Variants in CDH19 observed in about 807,000 individuals in gnomAD.
The protein encoded by CDH19 is cadherin 19.
Under a neutral mutation model 64.2 loss-of-function variants are expected in CDH19, and 67 were observed. The ratio of observed to expected loss-of-function variants is 1.04; its 90% CI spans 0.86 to 1.28. CDH19 has a LOEUF of 1.28. Among genes scored for constraint, CDH19 ranks in the 50% most tolerant of loss-of-function variants. The pLI, the probability that CDH19 is intolerant of heterozygous loss-of-function variation, is 0.00. For synonymous variants in CDH19, 346 were observed against 319.3 expected, an observed-to-expected ratio of 1.08 and a Z score of -0.89; for missense variants, 1,030 against 929.0, an observed-to-expected ratio of 1.11 and a Z score of -1.41.
chr18:66,546,173 A>G (rs2144496289), intron 5 of CDH19, among the ~76,000 whole-genome samples: 1 of 152,240 alleles, frequency 6.6e-6, no homozygotes, highest in South Asian at 2.1e-4. Context: ...TAGTTCCTTT[A>G]GAAGCATGGA....
intron 5 of CDH19, among the ~76,000 whole-genome samples, chr18:66,549,001 A>G (rs1365697917): frequency 1.3e-5 from 2 of 152,116 alleles, no homozygotes; most frequent in African/African-American, 2.4e-5. Context: ...GTTGCCCACA[A>G]CAGAGGGTAT....
At chr18:66,600,328 T>G (rs2144648594) in intron 1 of CDH19, among the ~76,000 whole-genome samples, 1 of 151,966 alleles carries the variant, frequency 6.6e-6, no homozygotes, top group African/African-American at 2.4e-5. Context: ...CCTAAAGTTC[T>G]AATGTTTTGT....
rs1342405471 is a variant in CDH19 at position 66,512,539 on chromosome 18, T to C, written c.1459-854A>G. Among the ~76,000 whole-genome samples the C allele has an allele frequency of 3.3e-5, 5 of 151,510 alleles. No individual in the cohort carries two copies. The East Asian group carries it at 9.6e-4, about 29-fold the overall frequency. ...CAAGATGACAAGCCCAGATTTATATTATACTTCAAAAAAATAGATACATCT... is the reference window on the plus strand; with the variant it reads ...CAAGATGACAAGCCCAGATTTATATCATACTTCAAAAAAATAGATACATCT... On this transcript the variant is annotated intron_variant, in intron 9 of 11. Transcript: ENST00000262150.
chr18:66,546,244 A>T (rs558076450), intron 5 of CDH19, among the ~76,000 whole-genome samples: 2 of 152,156 alleles, frequency 1.3e-5, no homozygotes, highest in African/African-American at 2.4e-5. Flanking sequence ...ATAAGTGTTA[A>T]TTTTTAAGAG....
intron 9 of CDH19, among the ~76,000 whole-genome samples, chr18:66,518,230 C>T (rs1043318390): frequency 2.0e-5 from 3 of 151,640 alleles, no homozygotes; most frequent in Admixed American, 1.3e-4. Flanking sequence ...TTATTCATTA[C>T]TTATTTATTT....
chr18:66,521,502 CTTTA>C (rs138571911), intron 9 of CDH19, among the ~76,000 whole-genome samples: 1 of 143,772 alleles, frequency 7.0e-6, no homozygotes, highest in Admixed American at 7.1e-5. Context: ...TATCTCTGGC[CTTTA>C]TTTATTTATT....
chr18:66,533,853 T>C (rs953980803), intron 8 of CDH19, among the ~76,000 whole-genome samples: 2 of 152,104 alleles, frequency 1.3e-5, no homozygotes, highest in African/African-American at 4.8e-5. Flanking sequence ...TGTAATGCCC[T>C]GTTTTCCACC....
intron 1 of CDH19, among the ~76,000 whole-genome samples, chr18:66,576,315 G>C (rs1004676598): frequency 6.6e-6 from 1 of 151,356 alleles, no homozygotes; most frequent in Non-Finnish European, 1.5e-5. Context: ...TAAAGGTACA[G>C]TAGGTAAGAA....
At chr18:66,554,602 T>TGG in intron 3 of CDH19, 78 bp from the exon 4 acceptor site, 2 of 1,188,730 alleles carry the variant, frequency 1.7e-6, no homozygotes, top group Non-Finnish European at 2.3e-6. Flanking sequence ...CGGTCTTTCT[T>TGG]TACCAAGCAA....
At chr18:66,536,931 C>T (rs143875640) in intron 7 of CDH19, among the ~76,000 whole-genome samples, 1 of 151,674 alleles carries the variant, frequency 6.6e-6, no homozygotes, top group South Asian at 2.1e-4. Context: ...TAGATATGTA[C>T]CATCATGACC....
chr18:66,601,810 TGA>T (rs1359317266), intron 1 of CDH19, among the ~76,000 whole-genome samples: 1 of 137,436 alleles, frequency 7.3e-6, no homozygotes, highest in African/African-American at 2.5e-5. Context: ...TGAAAGGTGG[TGA>T]GAGTGGGTAA....
intron 1 of CDH19, among the ~76,000 whole-genome samples, chr18:66,599,033 A>T (rs1388616669): frequency 6.6e-6 from 1 of 152,106 alleles, no homozygotes; most frequent in Middle Eastern, 3.2e-3. Context: ...AGCCTCTTTC[A>T]TAAAGGATAT....
At chr18:66,523,402 GACCA>G (rs1986076972) in intron 9 of CDH19, among the ~76,000 whole-genome samples, 2 of 152,098 alleles carry the variant, frequency 1.3e-5, no homozygotes, top group African/African-American at 4.8e-5. Context: ...TTCTCCCTGG[GACCA>G]GCTTCAGCCC....
intron 7 of CDH19, among the ~76,000 whole-genome samples, chr18:66,539,708 T>C (rs1385446005): frequency 1.3e-5 from 2 of 152,058 alleles, no homozygotes; most frequent in South Asian, 2.1e-4. Flanking sequence ...TGAGGGATAT[T>C]GATCTGTAGT....
intron 9 of CDH19, among the ~76,000 whole-genome samples, chr18:66,519,911 T>C (rs1985905681): frequency 6.6e-6 from 1 of 151,914 alleles, no homozygotes; most frequent in Admixed American, 6.6e-5. Flanking sequence ...GAGGGCCAGG[T>C]GTGATGGCTC....
At chr18:66,592,075 CTAA>C (rs1237236292) in intron 1 of CDH19, among the ~76,000 whole-genome samples, 1 of 151,860 alleles carries the variant, frequency 6.6e-6, no homozygotes, top group African/African-American at 2.4e-5. Flanking sequence ...AGGTTCTTCT[CTAA>C]TGTTTCCTTC....
chr18:66,541,694 C>T (rs1986892897), intron 7 of CDH19, among the ~76,000 whole-genome samples: 1 of 152,050 alleles, frequency 6.6e-6, no homozygotes, highest in African/African-American at 2.4e-5. Context: ...TTAAAAGACA[C>T]TTTTAAATGA....
chr18:66,508,453 T>C (rs1360062603), intron 11 of CDH19, among the ~76,000 whole-genome samples: 2 of 151,874 alleles, frequency 1.3e-5, no homozygotes, highest in Non-Finnish European at 2.9e-5. Context: ...CAGTGTTGTA[T>C]AACAATGTGT....
intron 4 of CDH19, among the ~76,000 whole-genome samples, chr18:66,554,027 C>A (rs1987427971): frequency 6.6e-6 from 1 of 151,696 alleles, no homozygotes. Context: ...GTTTGTATTC[C>A]CTGATGACTA....
Sources: gnomAD v4.1 joint callset for allele counts (sites outside exome capture counted in the v4.1 genomes callset) on GRCh38, gnomAD v4.1.1 for gene constraint, MANE v1.5 for transcripts, NCBI Gene and HGNC (gene_info 2026-07-23, HGNC 2026-07-21) for gene names.